GNAS-AS1: variants seen among roughly 807,000 people sequenced by gnomAD.
GNAS-AS1 encodes GNAS antisense RNA 1 (non-protein coding).
At chr20:58,839,131 G>A (rs952163853) in intron 4 of GNAS-AS1, 3 of 398,316 alleles carry the variant, frequency 7.5e-6, no homozygotes, top group Non-Finnish European at 1.3e-5. Flanking sequence ...TCCTCAGATG[G>A]GCTTGCAGAC....
intron 4 of GNAS-AS1, chr20:58,839,972 G>T: frequency 1.1e-6 from 1 of 889,638 alleles, no homozygotes; most frequent in Non-Finnish European, 1.8e-6. Flanking sequence ...CTCACAAGGA[G>T]GTGAGGCTGG....
chr20:58,843,067 G>A (rs2085798997), intron 2 of GNAS-AS1, among the ~76,000 whole-genome samples: 1 of 152,136 alleles, frequency 6.6e-6, no homozygotes, highest in East Asian at 1.9e-4. Context: ...ATGTAGCGAG[G>A]AGGGGCAATC....
rs75262791 is a variant in GNAS-AS1 at position 58,846,440 on chromosome 20, G to A, written n.413+2439C>T. 3.2e-3 allele frequency among the ~76,000 whole-genome samples: 488 copies of A among 152,272 alleles called. 1 individual carries two copies. The highest frequency in any genetic ancestry group is 0.011 in the African/African-American group (468 of 41,550). Reference sequence around the variant, plus strand: ...ACATCACTGTCCCCCTGAGAGTTTCGTACAGACCTGGTCCAAAAATTCCAA... The same window carrying A: ...ACATCACTGTCCCCCTGAGAGTTTCATACAGACCTGGTCCAAAAATTCCAA... On this transcript the variant is annotated intron_variant and non_coding_transcript_variant, in intron 2 of 4. Coordinates refer to ENST00000424094, the Ensembl canonical transcript of GNAS-AS1.
chr20:58,839,896 C>T, intron 4 of GNAS-AS1: 1 of 602,554 alleles, frequency 1.7e-6, no homozygotes, highest in East Asian at 2.8e-5. Context: ...CTCAGAGAGG[C>T]AAGCAAGGCG....
intron 4 of GNAS-AS1, among the ~76,000 whole-genome samples, chr20:58,828,333 G>C (rs988636304): frequency 6.6e-6 from 1 of 152,254 alleles, no homozygotes; most frequent in South Asian, 2.1e-4. Context: ...GTGAAGCTGT[G>C]AACTGTCCAT....
At chr20:58,847,097 G>A (rs2085968391) in intron 2 of GNAS-AS1, among the ~76,000 whole-genome samples, 1 of 152,218 alleles carries the variant, frequency 6.6e-6, no homozygotes, top group Non-Finnish European at 1.5e-5. Context: ...AGAGGACAGT[G>A]GCATGCCTTG....
exon 1 of GNAS-AS1, chr20:58,850,840 C>G: frequency 2.5e-6 from 1 of 398,754 alleles, no homozygotes; most frequent in Non-Finnish European, 4.4e-6. Context: ...CATACACCCG[C>G]CCCCCACCGG....
rs1231113008 is a variant in GNAS-AS1, at chr20:58,841,043, G to A, written n.819+894C>T. On this transcript the variant is annotated intron_variant and non_coding_transcript_variant, in intron 4 of 4. Transcript: ENST00000424094. This position sits in a 1 kb window ranked among gnomAD's most constrained non-coding sequence, Gnocchi z 5.0. ...CGGGGGTCAGGGTGAGGCGGCGAGG[G>A]CTCCCCCAAACTTCCCAGGATGCCA... Among the ~76,000 whole-genome samples the A allele has an allele frequency of 6.6e-6, 1 of 152,050 alleles. No homozygotes were observed. The highest frequency in any genetic ancestry group is 6.5e-5 in the Admixed American group (1 of 15,270).
chr20:58,850,474 C>A (rs774600843), intron 1 of GNAS-AS1: 1 of 398,096 alleles, frequency 2.5e-6, no homozygotes, highest in African/African-American at 2.1e-5. Context: ...AGCAAACAAC[C>A]CCTTTGGAGC....
At chr20:58,830,927 A>G (rs2085565164) in intron 4 of GNAS-AS1, among the ~76,000 whole-genome samples, 1 of 152,122 alleles carries the variant, frequency 6.6e-6, no homozygotes, top group Admixed American at 6.5e-5. Context: ...GAGAAAAGAC[A>G]TTAGAGAAAA....
chr20:58,845,821 C>T (rs549150101), intron 2 of GNAS-AS1, among the ~76,000 whole-genome samples: 22 of 152,330 alleles, frequency 1.4e-4, no homozygotes, highest in African/African-American at 5.3e-4. Flanking sequence ...GCCTGCAATG[C>T]GGGGCCACCA....
chr20:58,846,376 G>C (rs1421638502), intron 2 of GNAS-AS1, among the ~76,000 whole-genome samples: 3 of 152,192 alleles, frequency 2.0e-5, no homozygotes, highest in Non-Finnish European at 4.4e-5. Context: ...ATATGGCATT[G>C]GAGGGCTACC....
intron 4 of GNAS-AS1, chr20:58,838,683 C>T (rs868474739): frequency 8.3e-5 from 19 of 228,414 alleles, no homozygotes; most frequent in Admixed American, 2.9e-4. Context: ...TTTGGGAGGC[C>T]GAGGCGGGCG....
In GNAS-AS1 at chr20:58,832,938, G is replaced by A. The variant is rs148197422; in HGVS notation, n.819+8999C>T. On this transcript the variant is annotated intron_variant and non_coding_transcript_variant, in intron 4 of 4. Coordinates refer to ENST00000424094, the Ensembl canonical transcript of GNAS-AS1. ...CACTTTGGAAGTTAATTAAATTCCCGTTGTCCTCTAATTGTGAGTGTGAGT... is the reference window on the plus strand; with the variant it reads ...CACTTTGGAAGTTAATTAAATTCCCATTGTCCTCTAATTGTGAGTGTGAGT... Among the ~76,000 whole-genome samples, 43 of 152,292 alleles carry A rather than the reference G, an allele frequency of 2.8e-4. No individual in the cohort carries two copies. The East Asian group carries it at 7.7e-3, about 27-fold the overall frequency.
intron 3 of GNAS-AS1, chr20:58,842,238 T>G (rs1372331886): frequency 2.5e-6 from 1 of 398,302 alleles, no homozygotes; most frequent in Admixed American, 4.4e-5. Flanking sequence ...GACTGATAAG[T>G]GAAATGTCTT....
At position 58,819,179 on chromosome 20, in the gene GNAS-AS1, G is replaced by A. The variant is rs75650358; in HGVS notation, n.896C>T. 4,339 of 398,622 alleles carry A rather than the reference G, an allele frequency of 0.011. 47 individuals carry two copies. The highest frequency in any genetic ancestry group is 0.06 in the Middle Eastern group (96 of 1,588). The allele number at this position is 398,622 out of a possible 1,614,324, so 24.7% of individuals were successfully genotyped here. On this transcript the variant is annotated non_coding_transcript_exon_variant, in exon 5 of 5. Coordinates refer to ENST00000424094, the Ensembl canonical transcript of GNAS-AS1. ...GTACTATGGTTTTCAAACCAGGAAC[G>A]TGGCACTAATGAGGCGGAGCTCTGG...
intron 4 of GNAS-AS1, among the ~76,000 whole-genome samples, chr20:58,832,961 A>AGTGT (rs1307375325): frequency 1.3e-5 from 2 of 152,228 alleles, no homozygotes; most frequent in Admixed American, 6.5e-5. Context: ...TGTGAGTGTG[A>AGTGT]GTGTGTGACA....
At chr20:58,826,023 A>C (rs1223425692) in intron 4 of GNAS-AS1, 1 of 398,494 alleles carries the variant, frequency 2.5e-6, no homozygotes, top group Non-Finnish European at 4.4e-6. Flanking sequence ...TCTTTTGCTT[A>C]CCTTTAGACG....
chr20:58,826,131 C>T (rs1245177475), intron 4 of GNAS-AS1: 2 of 398,564 alleles, frequency 5.0e-6, no homozygotes, highest in Non-Finnish European at 8.8e-6. Context: ...TTTCAGCACA[C>T]TGAAGTCTAT....
Sources: gnomAD v4.1 joint callset for allele counts (sites outside exome capture counted in the v4.1 genomes callset) on GRCh38, gnomAD v4.1.1 for gene constraint, Gnocchi (gnomAD v3.1) non-coding constraint, MANE v1.5 for transcripts, NCBI Gene and HGNC (gene_info 2026-07-23, HGNC 2026-07-21) for gene names.